The following ABL1 variants were observed in gnomAD, a reference collection of about 807,000 sequenced individuals.
ABL1 encodes tyrosine-protein kinase ABL1.
Under a neutral mutation model 94.7 loss-of-function variants are expected in ABL1, and 11 were observed. That is an observed-to-expected ratio of 0.12 (90% CI 0.07 to 0.19). The LOEUF is 0.19. ABL1 is among the 10% of genes least tolerant of loss of function. The pLI, the probability that ABL1 is intolerant of heterozygous loss-of-function variation, is 1.00. For missense variants in ABL1, 1,082 were observed against 1,489.4 expected, an observed-to-expected ratio of 0.73 and a Z score of 4.50; for synonymous variants, 656 against 622.4, an observed-to-expected ratio of 1.05 and a Z score of -0.80.
At chr9:130,771,585 GA>G (rs915373345) in intron 1 of ABL1, among the ~76,000 whole-genome samples, 2 of 151,994 alleles carry the variant, frequency 1.3e-5, no homozygotes, top group African/African-American at 4.8e-5. Flanking sequence ...CATCTGTAAG[GA>G]AAGTATCATA....
intron 1 of ABL1, among the ~76,000 whole-genome samples, chr9:130,778,902 C>G (rs1249692168): frequency 6.6e-6 from 1 of 151,954 alleles, no homozygotes; most frequent in African/African-American, 2.4e-5. Context: ...ACCAAATATA[C>G]TTTAACCCCT....
At chr9:130,856,091 T>C (rs1279509230) in intron 3 of ABL1, among the ~76,000 whole-genome samples, 3 of 152,064 alleles carry the variant, frequency 2.0e-5, no homozygotes, top group Non-Finnish European at 4.4e-5. Flanking sequence ...GTTTTTTGTT[T>C]GTTTATTTGT....
At chr9:130,754,368 C>T (rs1385132258) in intron 1 of ABL1, among the ~76,000 whole-genome samples, 2 of 149,412 alleles carry the variant, frequency 1.3e-5, no homozygotes, top group Non-Finnish European at 3.0e-5. Flanking sequence ...ATTAGCCAGG[C>T]GTGGTGGCGG....
intron 1 of ABL1, among the ~76,000 whole-genome samples, chr9:130,848,656 G>C (rs568628397): frequency 6.6e-6 from 1 of 152,168 alleles, no homozygotes; most frequent in South Asian, 2.1e-4. Flanking sequence ...AAAATGTAAG[G>C]CCAGACACGG....
chr9:130,718,840 C>T (rs1831479760), intron 1 of ABL1, among the ~76,000 whole-genome samples: 1 of 152,176 alleles, frequency 6.6e-6, no homozygotes, highest in African/African-American at 2.4e-5. Flanking sequence ...CATGATCACG[C>T]CACTGCACTG....
intron 1 of ABL1, among the ~76,000 whole-genome samples, chr9:130,847,465 A>G (rs1830790603): frequency 6.6e-6 from 1 of 152,152 alleles, no homozygotes; most frequent in Admixed American, 6.5e-5. Flanking sequence ...TAAGCAAGAA[A>G]GATTTAAGTA....
At chr9:130,865,612 G>C (rs367782341) in intron 4 of ABL1, among the ~76,000 whole-genome samples, 1 of 152,040 alleles carries the variant, frequency 6.6e-6, no homozygotes, top group African/African-American at 2.4e-5. Context: ...GCCAGGCGTG[G>C]TGGTGCGTGT....
intron 1 of ABL1, among the ~76,000 whole-genome samples, chr9:130,828,051 C>G (rs1411278326): frequency 2.0e-5 from 3 of 151,038 alleles, no homozygotes; most frequent in Non-Finnish European, 4.4e-5. Flanking sequence ...CAATAACAAT[C>G]AGAATAAGAA....
chr9:130,720,509 A>G (rs1488208907), intron 1 of ABL1, among the ~76,000 whole-genome samples: 1 of 152,160 alleles, frequency 6.6e-6, no homozygotes, highest in African/African-American at 2.4e-5. Flanking sequence ...CAAAGAGCAA[A>G]AGGAGAGATG....
At chr9:130,842,889 C>CT (rs1265630254) in intron 1 of ABL1, among the ~76,000 whole-genome samples, 1 of 152,192 alleles carries the variant, frequency 6.6e-6, no homozygotes, top group African/African-American at 2.4e-5. Context: ...ACTGTGGTGT[C>CT]TGTTAGGAAT....
chr9:130,826,015 A>G (rs550659431), intron 1 of ABL1, among the ~76,000 whole-genome samples: 40 of 152,318 alleles, frequency 2.6e-4, no homozygotes, highest in African/African-American at 9.4e-4. Flanking sequence ...CTAACAAGGG[A>G]GTTTGAAGAT....
Position 130,885,849 on chromosome 9 carries a change from C to T in ABL1, c.*166C>T. The T allele has an allele frequency of 3.3e-6, 3 of 915,218 alleles. No individual in the cohort carries two copies. The highest frequency in any genetic ancestry group is 4.8e-6 in the Non-Finnish European group (3 of 627,136). The allele number at this position is 915,218 out of a possible 1,614,324, so 56.7% of individuals were successfully genotyped here. ...GCCCTGTGGAGTCCAGCTCTACTAC[C>T]TACGTTTGCACCGCCTGCCCTCCCG... On this transcript the variant is annotated 3_prime_UTR_variant, in exon 11 of 11. Transcript: ENST00000318560.
intron 1 of ABL1, among the ~76,000 whole-genome samples, chr9:130,762,888 T>A (rs1223483575): frequency 7.1e-6 from 1 of 141,398 alleles, no homozygotes; most frequent in Non-Finnish European, 1.5e-5. Flanking sequence ...TCCAGCCTGG[T>A]GACAGAGCGA....
At position 130,750,406 on chromosome 9, in the gene ABL1, TCCCTCCCTCCCTCCC is replaced by T. The variant is rs1831945731; in HGVS notation, c.136+35952_136+35966del. On this transcript the variant is annotated intron_variant, in intron 1 of 10. Transcript: ENST00000372348. ...CTCCTTCCCTCCTTCCCTTCCTCCC[TCCCTCCCTCCCTCCC>T]TCCCTCCCTCCCTCCCTCCCTCCCT... Among the ~76,000 whole-genome samples, 8 of 11,562 alleles carry T rather than the reference TCCCTCCCTCCCTCCC, an allele frequency of 6.9e-4. 1 individual carries two copies. Among genetic ancestry groups the T allele is most frequent in the Admixed American group, 6.7e-3 (8 of 1,188 alleles). The allele number at this position is 11,562 out of a possible 152,430, so 7.6% of individuals were successfully genotyped here.
rs1168330887 is a variant in ABL1 at position 130,735,959 on chromosome 9, A to ATTT, written c.136+21505_136+21506insTTT. On this transcript the variant is annotated intron_variant, in intron 1 of 10. Coordinates refer to the ABL1 transcript ENST00000372348. Reference sequence around the variant, plus strand: ...CATATATATATATATATATATATATATATTTTTTTTTTTTAAGACAGGGTC... The same window carrying ATTT: ...CATATATATATATATATATATATATATTTTATTTTTTTTTTTTAAGACAGGGTC... 3.9e-4 allele frequency among the ~76,000 whole-genome samples: 32 copies of ATTT among 81,714 alleles called. 1 individual carries two copies. The highest frequency in any genetic ancestry group is 1.6e-3 in the African/African-American group (18 of 11,574). 53.6% of individuals were successfully genotyped at this position (81,714 alleles called of 152,430 possible).
chr9:130,872,785 G>T lies in ABL1; in HGVS notation c.908-75G>T. On this transcript the variant is annotated intron_variant, in intron 5 of 10. Coordinates refer to ENST00000318560, the MANE Select transcript of ABL1 (RefSeq NM_005157.6). The surrounding 1 kb of genome is among the most constrained non-coding windows in gnomAD (Gnocchi z 5.0). ...GAGCAGAGTCAGAATCCTTCAGAAG[G>T]CTTTTTCTTTAGACAGTTGTTTGTT... 6.8e-7 allele frequency: 1 copy of T among 1,468,882 alleles called. No homozygotes were observed. The highest frequency in any genetic ancestry group is 9.3e-7 in the Non-Finnish European group (1 of 1,080,788). 91.0% of individuals were successfully genotyped at this position (1,468,882 alleles called of 1,614,324 possible). A position where few individuals can be genotyped will look rare whatever the true frequency, so the allele number is the denominator to read the frequency against.
chr9:130,801,523 G>A (rs59628079), intron 1 of ABL1, among the ~76,000 whole-genome samples: 4,257 of 152,330 alleles, frequency 0.028, 202 homozygotes, highest in African/African-American at 0.096. Flanking sequence ...ACCAAGCCCA[G>A]CTGACAATGG....
At chr9:130,851,526 A>T (rs1164174664) in intron 1 of ABL1, among the ~76,000 whole-genome samples, 1 of 152,052 alleles carries the variant, frequency 6.6e-6, no homozygotes, top group Non-Finnish European at 1.5e-5. Context: ...GTTCTCGGTC[A>T]TGTTTCCGGA....
intron 1 of ABL1, among the ~76,000 whole-genome samples, chr9:130,788,425 G>A (rs1288102321): frequency 6.6e-6 from 1 of 152,198 alleles, no homozygotes; most frequent in East Asian, 1.9e-4. Context: ...AATATTTCAA[G>A]TGTATGTTGT....
Sources: allele counts gnomAD v4.1 joint callset (sites outside exome capture counted in the v4.1 genomes callset), GRCh38; gene constraint gnomAD v4.1.1; non-coding constraint Gnocchi (gnomAD v3.1); transcripts MANE v1.5; gene names NCBI Gene and HGNC (gene_info 2026-07-23, HGNC 2026-07-21).